The following PMFBP1 variants were observed in gnomAD, a reference collection of about 807,000 sequenced individuals.
PMFBP1 encodes the protein polyamine-modulated factor 1-binding protein 1.
A neutral mutation model predicts 137.8 loss-of-function variants in PMFBP1; 131 were observed. The ratio of observed to expected loss-of-function variants is 0.95; its 90% CI spans 0.82 to 1.10. The LOEUF (loss-of-function observed/expected upper bound fraction) is 1.10, where lower values mean the gene tolerates loss of function less well. PMFBP1 is among the 50% of genes least tolerant of loss of function. The probability of loss-of-function intolerance (pLI) is 0.00; values close to 1 mark genes in which losing one functional copy is unlikely to be tolerated. For missense variants in PMFBP1, 1,199 were observed against 1,175.4 expected, an observed-to-expected ratio of 1.02 and a Z score of -0.29; for synonymous variants, 490 against 450.4, an observed-to-expected ratio of 1.09 and a Z score of -1.11.
At chr16:72,169,745 G>A (rs1331479750) in intron 2 of PMFBP1, among the ~76,000 whole-genome samples, 4 of 152,046 alleles carry the variant, frequency 2.6e-5, no homozygotes, top group Non-Finnish European at 1.5e-5. Context: ...TATCAGCTGT[G>A]TATTCAAGCA....
At chr16:72,117,812 A>G (rs540804782), downstream of PMFBP1, among the ~76,000 whole-genome samples, 1 of 152,362 alleles carries the variant, frequency 6.6e-6, no homozygotes, top group African/African-American at 2.4e-5. Flanking sequence ...TTAACAAATT[A>G]TAGGCAGGCA....
chr16:72,234,294 A>G, the PMFBP1 span, among the ~76,000 whole-genome samples: 1 of 152,206 alleles, frequency 6.6e-6, no homozygotes, highest in Non-Finnish European at 1.5e-5. Flanking sequence ...ATCATCCGAC[A>G]GTGCACAAAC....
At chr16:72,177,124 AATCT>A (rs1408688014), upstream of PMFBP1, among the ~76,000 whole-genome samples, 1 of 152,132 alleles carries the variant, frequency 6.6e-6, no homozygotes, top group Non-Finnish European at 1.5e-5. Context: ...CAGTCCACCT[AATCT>A]TTGTTGCCAT....
At chr16:72,154,058 A>G (rs3812985) in intron 4 of PMFBP1, among the ~76,000 whole-genome samples, 153 bp downstream of exon 4, 1 of 151,378 alleles carries the variant, frequency 6.6e-6, no homozygotes, top group Non-Finnish European at 1.5e-5. Flanking sequence ...CTCAGCTTCA[A>G]AAAGATCAAG....
upstream of PMFBP1, among the ~76,000 whole-genome samples, chr16:72,175,463 C>G (rs1399451178): frequency 6.6e-6 from 1 of 152,194 alleles, no homozygotes; most frequent in Non-Finnish European, 1.5e-5. Flanking sequence ...CTAATTTTGA[C>G]TCCCTCCCCA....
intron 5 of PMFBP1, 100 bp downstream of exon 5, chr16:72,150,507 TA>T: frequency 8.7e-7 from 1 of 1,150,198 alleles, no homozygotes; most frequent in Non-Finnish European, 1.3e-6. Context: ...GACATCTGGG[TA>T]AAGGTTTGGG....
intron 15 of PMFBP1, 109 bp from the exon 16 acceptor site, chr16:72,125,514 A>G: frequency 7.9e-7 from 1 of 1,267,246 alleles, no homozygotes; most frequent in Non-Finnish European, 1.1e-6. Context: ...GCCCAGGGTG[A>G]CACGGACGGT....
the PMFBP1 span, among the ~76,000 whole-genome samples, chr16:72,235,728 C>T: frequency 8.1e-6 from 1 of 123,874 alleles, no homozygotes; most frequent in Non-Finnish European, 1.6e-5. Flanking sequence ...TAAATTTATT[C>T]CCAAGTTTAA....
At chr16:72,223,503 T>C in the PMFBP1 span, among the ~76,000 whole-genome samples, 1 of 152,222 alleles carries the variant, frequency 6.6e-6, no homozygotes, top group African/African-American at 2.4e-5. Flanking sequence ...GTTGGTGTTC[T>C]CAGTGTTCCT....
the PMFBP1 span, among the ~76,000 whole-genome samples, chr16:72,206,046 G>C: frequency 6.6e-6 from 1 of 152,204 alleles, no homozygotes; most frequent in Non-Finnish European, 1.5e-5. Flanking sequence ...GTCCTGACTA[G>C]ATAATAGCTT....
chr16:72,124,773 A>G lies in PMFBP1; in HGVS notation c.2583T>C (p.Asp861=). 1 of 1,613,580 alleles carries G rather than the reference A, an allele frequency of 6.2e-7. No homozygotes were observed. The highest frequency in any genetic ancestry group is 8.5e-7 in the Non-Finnish European group (1 of 1,179,732). Residue 861 remains aspartate (D), a synonymous_variant, in exon 17 of 21, where the codon GAT becomes GAC. Coordinates refer to ENST00000237353, the MANE Select transcript of PMFBP1 (RefSeq NM_031293.3). ...AALKENLLED[D]KEPCCLPQWS... ...GAAGCCAAGGCATGCCCACCTCCTT[A>G]TCGTCCTCAAGGAGGTTCTCTTTTA... is the stretch of plus-strand genomic sequence containing the variant.
chr16:72,247,429 G>A, the PMFBP1 span, among the ~76,000 whole-genome samples: 3 of 152,186 alleles, frequency 2.0e-5, no homozygotes, highest in African/African-American at 7.2e-5. Context: ...ATCACAAAGA[G>A]CAAGTCTGCT....
At chr16:72,209,570 T>C in the PMFBP1 span, among the ~76,000 whole-genome samples, 1 of 152,144 alleles carries the variant, frequency 6.6e-6, no homozygotes. Flanking sequence ...CATCATAATA[T>C]ATGTAAAATT....
chr16:72,230,597 G>C, the PMFBP1 span, among the ~76,000 whole-genome samples: 5 of 152,112 alleles, frequency 3.3e-5, no homozygotes, highest in African/African-American at 1.2e-4. Flanking sequence ...TCTTCCTGCT[G>C]TAACTTCCCA....
chr16:72,208,768 A>C, the PMFBP1 span, among the ~76,000 whole-genome samples: 1 of 152,228 alleles, frequency 6.6e-6, no homozygotes, highest in South Asian at 2.1e-4. Context: ...CACTTAAAAG[A>C]AATACAGGGA....
chr16:72,118,093 C>T (rs1451366229), downstream of PMFBP1, among the ~76,000 whole-genome samples: 1 of 152,178 alleles, frequency 6.6e-6, no homozygotes, highest in African/African-American at 2.4e-5. Flanking sequence ...TTTTGGCCAA[C>T]GTATATGAAA....
chr16:72,183,328 G>A, the PMFBP1 span, among the ~76,000 whole-genome samples: 1 of 152,222 alleles, frequency 6.6e-6, no homozygotes, highest in Non-Finnish European at 1.5e-5. Flanking sequence ...GGCTCCAGAG[G>A]CTGGGAGTCC....
chr16:72,187,883 G>A, the PMFBP1 span, among the ~76,000 whole-genome samples: 4 of 152,188 alleles, frequency 2.6e-5, no homozygotes, highest in Non-Finnish European at 2.9e-5. Context: ...GGGCCCAAAT[G>A]CAGCATTTAA....
At chr16:72,247,797 T>A in the PMFBP1 span, among the ~76,000 whole-genome samples, 246 of 152,352 alleles carry the variant, frequency 1.6e-3, no homozygotes, top group African/African-American at 5.7e-3. Context: ...AGAGATTTTA[T>A]GTATATCTCT....
Sources: allele counts gnomAD v4.1 joint callset (sites outside exome capture counted in the v4.1 genomes callset), GRCh38; gene constraint gnomAD v4.1.1; transcripts MANE v1.5; gene names NCBI Gene and HGNC (gene_info 2026-07-23, HGNC 2026-07-21).